Variants in CFAP61 observed in about 807,000 individuals in gnomAD.
CFAP61 encodes the protein cilia- and flagella-associated protein 61.
Under a neutral mutation model 135.6 loss-of-function variants are expected in CFAP61, and 107 were observed. That is an observed-to-expected ratio of 0.79 (90% CI 0.67 to 0.93). CFAP61 has a LOEUF of 0.93. Ranked by LOEUF, CFAP61 falls within the 40% of genes least tolerant of loss-of-function variation. CFAP61 has a pLI of 0.00. For synonymous variants in CFAP61, 575 were observed against 578.5 expected (o/e 0.99, Z 0.09); for missense variants, 1,507 against 1,556.2 (o/e 0.97, Z 0.53).
chr20:20,106,956 C>T (rs2048451843), intron 8 of CFAP61, among the ~76,000 whole-genome samples: 1 of 152,192 alleles, frequency 6.6e-6, no homozygotes, highest in Admixed American at 6.5e-5. Context: ...CAGTTAGTTG[C>T]TAGAAAACAC....
intron 26 of CFAP61, among the ~76,000 whole-genome samples, chr20:20,355,822 G>C (rs2059106535): frequency 7.0e-6 from 1 of 143,652 alleles, no homozygotes; most frequent in Non-Finnish European, 1.5e-5. Flanking sequence ...TGTGAGCAGA[G>C]ATGGTCACAC....
At chr20:20,277,932 G>A (rs537909582) in intron 22 of CFAP61, among the ~76,000 whole-genome samples, 1 of 152,316 alleles carries the variant, frequency 6.6e-6, no homozygotes, top group Admixed American at 6.5e-5. Context: ...GGGTAGAGTG[G>A]AGAGAGAGGC....
chr20:20,168,010 A>T (rs2053957437), intron 12 of CFAP61, among the ~76,000 whole-genome samples: 1 of 152,226 alleles, frequency 6.6e-6, no homozygotes, highest in Non-Finnish European at 1.5e-5. Context: ...ATGTTCCAAG[A>T]GCCACAAGGA....
intron 21 of CFAP61, among the ~76,000 whole-genome samples, chr20:20,270,661 T>C (rs2053265037): frequency 6.8e-6 from 1 of 146,036 alleles, no homozygotes; most frequent in South Asian, 2.2e-4. Flanking sequence ...AAGAACTTCT[T>C]GCATCTTGGT....
chr20:20,076,635 G>T (rs956945211), intron 6 of CFAP61, among the ~76,000 whole-genome samples: 5 of 152,248 alleles, frequency 3.3e-5, no homozygotes, highest in African/African-American at 9.6e-5. Context: ...TATCAGTGAA[G>T]AATAAATTGT....
At chr20:20,198,482 A>G (rs2056433009) in intron 16 of CFAP61, among the ~76,000 whole-genome samples, 1 of 152,210 alleles carries the variant, frequency 6.6e-6, no homozygotes, top group Non-Finnish European at 1.5e-5. Flanking sequence ...CATGCTTGGA[A>G]ACAGATTTCT....
chr20:20,282,900 T>C (rs1029127484), intron 22 of CFAP61, among the ~76,000 whole-genome samples: 2 of 150,262 alleles, frequency 1.3e-5, no homozygotes, highest in East Asian at 2.0e-4. Flanking sequence ...GATGGCGCCA[T>C]TGCACTCTAG....
intron 21 of CFAP61, among the ~76,000 whole-genome samples, chr20:20,268,645 G>T (rs1352807973): frequency 6.6e-6 from 1 of 152,198 alleles, no homozygotes; most frequent in Non-Finnish European, 1.5e-5. Context: ...ATGGAGAAGA[G>T]CTGACATCAC....
intron 21 of CFAP61, among the ~76,000 whole-genome samples, chr20:20,265,034 A>G (rs566625654): frequency 4.6e-5 from 7 of 152,334 alleles, no homozygotes; most frequent in African/African-American, 1.4e-4. Context: ...TATTTATTAA[A>G]CCAGACATGA....
intron 26 of CFAP61, among the ~76,000 whole-genome samples, chr20:20,353,648 T>C (rs2058932686): frequency 6.6e-6 from 1 of 152,182 alleles, no homozygotes; most frequent in Admixed American, 6.5e-5. Flanking sequence ...TATGGTAAAA[T>C]TGGTTTTGTT....
intron 19 of CFAP61, among the ~76,000 whole-genome samples, chr20:20,248,449 A>G (rs1198996489): frequency 6.6e-6 from 1 of 152,144 alleles, no homozygotes; most frequent in Non-Finnish European, 1.5e-5. Flanking sequence ...GTTTTAATTT[A>G]TTATTGTTAG....
chr20:20,326,057 T>G (rs770804601), intron 25 of CFAP61, among the ~76,000 whole-genome samples: 1 of 152,196 alleles, frequency 6.6e-6, no homozygotes, highest in Non-Finnish European at 1.5e-5. Flanking sequence ...CATCCTCCTG[T>G]GTGGCTGGGA....
At chr20:20,234,530 G>A (rs1161132254) in intron 18 of CFAP61, among the ~76,000 whole-genome samples, 1 of 152,210 alleles carries the variant, frequency 6.6e-6, no homozygotes, top group East Asian at 1.9e-4. Flanking sequence ...TGTACTATCA[G>A]AAAGTTTTGC....
chr20:20,143,017 G>C, intron 9 of CFAP61, 69 bp downstream of exon 9: 1 of 908,906 alleles, frequency 1.1e-6, no homozygotes, highest in South Asian at 1.5e-5. Context: ...GACATCAGGG[G>C]CATCTCTGGT....
rs2146578704 is a variant in CFAP61, at chr20:20,075,559, A to G, written c.510A>G (p.Ala170=). The stretch of plus-strand genomic sequence containing the variant: ...GTCTGACGTATGAGGAAGACTTTGC[A>G]GTGCATATATGTCACAGGCACAGCC... ...IPCLTYEEDF[A]VHICHRHSHY... is the part of the protein sequence containing the mutation. Residue 170 remains alanine (A), a synonymous_variant, in exon 6 of 27, where the codon GCA becomes GCG. Transcript: ENST00000245957. The G allele has an allele frequency of 6.2e-7, 1 of 1,614,150 alleles. No homozygotes were observed. Among genetic ancestry groups the G allele is most frequent in the Non-Finnish European group, 8.5e-7 (1 of 1,179,980 alleles).
intron 13 of CFAP61, among the ~76,000 whole-genome samples, chr20:20,175,148 A>G (rs1285809208): frequency 6.6e-6 from 1 of 152,172 alleles, no homozygotes; most frequent in African/African-American, 2.4e-5. Flanking sequence ...GCTTTACAAG[A>G]GCTTGTTTGT....
At chr20:20,337,801 A>G (rs1419500135) in intron 25 of CFAP61, among the ~76,000 whole-genome samples, 1 of 152,068 alleles carries the variant, frequency 6.6e-6, no homozygotes, top group Non-Finnish European at 1.5e-5. Flanking sequence ...TCTCACCCAG[A>G]CCTCTTGCCA....
chr20:20,150,050 AG>A (rs1364714292), intron 9 of CFAP61, among the ~76,000 whole-genome samples: 3 of 152,160 alleles, frequency 2.0e-5, no homozygotes, highest in African/African-American at 7.2e-5. Context: ...GCATGGCAAG[AG>A]CGAGACTGGC....
intron 6 of CFAP61, among the ~76,000 whole-genome samples, chr20:20,077,046 G>T (rs1217554434): frequency 6.6e-6 from 1 of 152,194 alleles, no homozygotes; most frequent in Admixed American, 6.5e-5. Flanking sequence ...GAGTTAAGTG[G>T]TGGGGAGAGA....
Sources: allele counts gnomAD v4.1 joint callset (sites outside exome capture counted in the v4.1 genomes callset), GRCh38; gene constraint gnomAD v4.1.1; transcripts MANE v1.5; gene names NCBI Gene and HGNC (gene_info 2026-07-23, HGNC 2026-07-21).